Variants in OCA2 observed in about 807,000 individuals in gnomAD.
OCA2 encodes the protein OCA2 melanosomal transmembrane protein.
A neutral mutation model predicts 100.2 loss-of-function variants in OCA2; 77 were observed. That is an observed-to-expected ratio of 0.77 (90% CI 0.64 to 0.93). The LOEUF (loss-of-function observed/expected upper bound fraction) is 0.93. Ranked by LOEUF, OCA2 falls within the 40% of genes least tolerant of loss-of-function variation. The pLI, the probability that OCA2 is intolerant of heterozygous loss-of-function variation, is 0.00. For synonymous variants in OCA2, 432 were observed against 439.2 expected, an observed-to-expected ratio of 0.98 and a Z score of 0.21; for missense variants, 1,062 against 1,089.1, an observed-to-expected ratio of 0.98 and a Z score of 0.35.
rs747399664 is a variant in OCA2 at position 27,983,491 on chromosome 15, A to T, written c.1365-8T>A. On this transcript the variant is annotated splice_region_variant and splice_polypyrimidine_tract_variant and intron_variant, in intron 13 of 23. Coordinates refer to ENST00000354638, the MANE Select transcript of OCA2 (RefSeq NM_000275.3). The stretch of plus-strand genomic sequence containing the variant: ...TTGAGCACCTCACACAACCTGTCAC[A>T]AATGGAGGAAAATGAAAGTAGTCCC... The T allele has an allele frequency of 6.2e-7, 1 of 1,614,160 alleles. No individual in the cohort carries two copies. The highest frequency in any genetic ancestry group is 8.5e-7 in the Non-Finnish European group (1 of 1,179,984).
At chr15:28,025,177 A>T (rs1486747382) in intron 4 of OCA2, among the ~76,000 whole-genome samples, 3 of 152,180 alleles carry the variant, frequency 2.0e-5, no homozygotes, top group Admixed American at 2.0e-4. Context: ...AAGATTTGAG[A>T]CTTTTTGATA....
At chr15:27,950,452 C>T in intron 18 of OCA2, 1 of 460,272 alleles carries the variant, frequency 2.2e-6, no homozygotes, top group Non-Finnish European at 4.3e-6. Context: ...AATTGAAATT[C>T]ACAAAATCGT....
chr15:27,898,938 C>T (rs1265943027), intron 19 of OCA2, among the ~76,000 whole-genome samples: 3 of 152,130 alleles, frequency 2.0e-5, no homozygotes, highest in Non-Finnish European at 4.4e-5. Flanking sequence ...CAGGAAGGAA[C>T]ACTTTCCAAC....
chr15:27,819,397 C>T (rs1230504962), intron 23 of OCA2, among the ~76,000 whole-genome samples: 1 of 152,198 alleles, frequency 6.6e-6, no homozygotes, highest in Non-Finnish European at 1.5e-5. Flanking sequence ...AGCAGGGTTA[C>T]AGTAGTCAAG....
At chr15:28,059,562 C>A (rs114231829) in intron 2 of OCA2, among the ~76,000 whole-genome samples, 2,222 of 152,218 alleles carry the variant, frequency 0.015, 43 homozygotes, top group African/African-American at 0.048. Flanking sequence ...TAATAATAAT[C>A]ATCATCATCA....
chr15:27,735,067 A>G, the OCA2 span, among the ~76,000 whole-genome samples: 1 of 152,188 alleles, frequency 6.6e-6, no homozygotes. Context: ...ACTACTAAGG[A>G]AGCTTTGTGA....
chr15:28,023,706 A>G (rs2042663682), intron 5 of OCA2, among the ~76,000 whole-genome samples: 1 of 152,184 alleles, frequency 6.6e-6, no homozygotes, highest in African/African-American at 2.4e-5. Context: ...ACCATCTTGG[A>G]GCAACACTCA....
At position 28,034,275 on chromosome 15, in the gene OCA2, C is replaced by A. The variant is rs533520766; in HGVS notation, c.228-2112G>T. 5.3e-5 allele frequency among the ~76,000 whole-genome samples: 8 copies of A among 151,704 alleles called. No individual in the cohort carries two copies. In the South Asian group the frequency reaches 1.7e-3, roughly 32 times the overall value. Reference sequence around the variant, plus strand: ...TCACTGCACTCCAGCCTGGAGGAGACCCTCTTGCTTTAAAAAAAGAAACAA... The same window carrying A: ...TCACTGCACTCCAGCCTGGAGGAGAACCTCTTGCTTTAAAAAAAGAAACAA... On this transcript the variant is annotated intron_variant, in intron 2 of 23. Transcript: ENST00000354638.
chr15:27,855,939 C>T (rs373348438), intron 21 of OCA2, among the ~76,000 whole-genome samples: 5 of 152,284 alleles, frequency 3.3e-5, no homozygotes, highest in South Asian at 4.1e-4. Context: ...CAAAGCACCA[C>T]GAGCTGGGTA....
chr15:27,734,286 C>CAAAAAAAAAAA, the OCA2 span, among the ~76,000 whole-genome samples: 84 of 76,242 alleles, frequency 1.1e-3, 2 homozygotes, highest in Non-Finnish European at 1.9e-3. Context: ...TTTTCAAGAG[C>CAAAAAAAAAAA]AAAAAAAAAA....
intron 9 of OCA2, among the ~76,000 whole-genome samples, chr15:27,997,176 A>AAG (rs1345370637): frequency 6.7e-6 from 1 of 148,620 alleles, no homozygotes; most frequent in Admixed American, 6.8e-5. Flanking sequence ...GGAAGGAAGG[A>AAG]GAGAGAAAGA....
chr15:28,064,385 G>A (rs925396653), intron 2 of OCA2, among the ~76,000 whole-genome samples: 17 of 151,628 alleles, frequency 1.1e-4, no homozygotes, highest in African/African-American at 4.1e-4. Flanking sequence ...TCTCTGTCTG[G>A]AACACCCATA....
chr15:28,066,735 C>A (rs1451684977), intron 2 of OCA2, among the ~76,000 whole-genome samples: 1 of 152,126 alleles, frequency 6.6e-6, no homozygotes, highest in Non-Finnish European at 1.5e-5. Context: ...AGCTGAGAGT[C>A]TAGCACCTTT....
At chr15:28,027,412 G>C (rs1047641396) in intron 4 of OCA2, among the ~76,000 whole-genome samples, 25 of 152,200 alleles carry the variant, frequency 1.6e-4, no homozygotes, top group African/African-American at 5.8e-4. Flanking sequence ...CGGATTGTAA[G>C]TTCTAAAATG....
chr15:27,990,152 C>G (rs986101292), intron 10 of OCA2, among the ~76,000 whole-genome samples: 5 of 152,158 alleles, frequency 3.3e-5, no homozygotes, highest in African/African-American at 1.2e-4. Context: ...CAGACCCAAA[C>G]AGGACACCCT....
intron 14 of OCA2, among the ~76,000 whole-genome samples, chr15:27,969,319 C>G (rs897952396): frequency 6.6e-6 from 1 of 152,028 alleles, no homozygotes; most frequent in South Asian, 2.1e-4. Context: ...ACTAGACTTG[C>G]GATGGGTGGA....
At chr15:27,760,236 C>T (rs2030724623) in intron 23 of OCA2, among the ~76,000 whole-genome samples, 1 of 151,882 alleles carries the variant, frequency 6.6e-6, no homozygotes, top group South Asian at 2.1e-4. Flanking sequence ...AATTTATGAT[C>T]TCTGTGTTAC....
intron 19 of OCA2, among the ~76,000 whole-genome samples, chr15:27,884,129 C>G (rs1240407299): frequency 6.6e-6 from 1 of 152,170 alleles, no homozygotes; most frequent in East Asian, 1.9e-4. Context: ...CACTTGTAAT[C>G]CCAGCACTTT....
intron 23 of OCA2, among the ~76,000 whole-genome samples, chr15:27,811,844 G>A (rs2034092721): frequency 6.6e-6 from 1 of 152,154 alleles, no homozygotes; most frequent in Non-Finnish European, 1.5e-5. Flanking sequence ...CTAAGTGTCG[G>A]TGGAACTTCA....
Sources: gnomAD v4.1 joint callset for allele counts (sites outside exome capture counted in the v4.1 genomes callset) on GRCh38, gnomAD v4.1.1 for gene constraint, MANE v1.5 for transcripts, NCBI Gene and HGNC (gene_info 2026-07-23, HGNC 2026-07-21) for gene names.